The following VPS13C variants were observed in gnomAD, a reference collection of about 807,000 sequenced individuals.
VPS13C encodes intermembrane lipid transfer protein VPS13C.
In VPS13C, 358 loss-of-function variants were observed where a neutral mutation model predicts 456.8. That is an observed-to-expected ratio of 0.78 (90% CI 0.72 to 0.86). The LOEUF (loss-of-function observed/expected upper bound fraction) is 0.86, where lower values mean the gene tolerates loss of function less well. Among genes scored for constraint, VPS13C ranks in the 40% least tolerant of loss-of-function variants. The pLI, the probability that VPS13C is intolerant of heterozygous loss-of-function variation, is 0.00. For synonymous variants in VPS13C, 1,578 were observed against 1,486.7 expected (o/e 1.06, Z -1.41); for missense variants, 4,818 against 4,385.4 (o/e 1.10, Z -2.79).
chr15:62,013,876 G>T, intron 10 of VPS13C, 57 bp downstream of exon 10: 1 of 1,312,374 alleles, frequency 7.6e-7, no homozygotes, highest in South Asian at 1.3e-5. Flanking sequence ...GTTTCTTCAA[G>T]AAAATAAATT....
At chr15:61,922,823 C>T in intron 53 of VPS13C, 61 bp from the exon 54 acceptor site, 1 of 1,318,334 alleles carries the variant, frequency 7.6e-7, no homozygotes. Context: ...AGAATATATA[C>T]ATACATGATT....
intron 39 of VPS13C, among the ~76,000 whole-genome samples, chr15:61,951,522 T>C (rs1056573309): frequency 6.6e-6 from 1 of 152,170 alleles, no homozygotes; most frequent in Non-Finnish European, 1.5e-5. Flanking sequence ...TTTTCCTCTA[T>C]ATACTTTTGT....
intron 1 of VPS13C, among the ~76,000 whole-genome samples, chr15:62,056,547 C>T (rs945878931): frequency 1.3e-5 from 2 of 152,148 alleles, no homozygotes; most frequent in African/African-American, 4.8e-5. Flanking sequence ...GAAAAACACC[C>T]GCGACTTAGC....
Position 61,921,992 on chromosome 15 carries a change from C to G in VPS13C, c.7017G>C (p.Leu2339=). ...GTCTCTTCCCCTCCACTCTCTCAAT[C>G]AGTGGCTCCCAGACAGCATGGATCT... The part of the protein sequence containing the change: ...YNEIHAVWEP[L]IERVEGKRQW... The change falls in exon 55 of 85, where the codon CTG becomes CTC. Residue 2339 remains leucine (L), a synonymous_variant. Coordinates refer to ENST00000644861, the MANE Select transcript of VPS13C (RefSeq NM_020821.3). 1.9e-6 allele frequency: 3 copies of G among 1,613,696 alleles called. No homozygotes were observed. The highest frequency in any genetic ancestry group is 2.2e-5 in the South Asian group (2 of 91,074).
At chr15:62,047,488 T>C (rs1181055149) in intron 1 of VPS13C, among the ~76,000 whole-genome samples, 2 of 151,486 alleles carry the variant, frequency 1.3e-5, no homozygotes, top group African/African-American at 2.4e-5. Flanking sequence ...GTCTGACAAA[T>C]GCATACTTCC....
intron 66 of VPS13C, among the ~76,000 whole-genome samples, chr15:61,904,915 T>A (rs1325507785): frequency 1.3e-5 from 2 of 151,816 alleles, no homozygotes; most frequent in Admixed American, 1.3e-4. Context: ...CACTCATATG[T>A]GGGAGCTAAA....
At chr15:62,055,381 C>A (rs898344259) in intron 1 of VPS13C, among the ~76,000 whole-genome samples, 1 of 151,664 alleles carries the variant, frequency 6.6e-6, no homozygotes, top group Non-Finnish European at 1.5e-5. Context: ...GCGCCTGCCC[C>A]CATGCCCGGC....
At chr15:61,909,428 C>T (rs182351890) in intron 64 of VPS13C, among the ~76,000 whole-genome samples, 237 of 152,262 alleles carry the variant, frequency 1.6e-3, no homozygotes, top group Admixed American at 2.3e-3. Context: ...AGGCTGGTCT[C>T]GAACTCCTGA....
At chr15:61,940,233 C>G (rs1195042859) in intron 47 of VPS13C, among the ~76,000 whole-genome samples, 1 of 152,130 alleles carries the variant, frequency 6.6e-6, no homozygotes, top group Non-Finnish European at 1.5e-5. Flanking sequence ...CTGAATATCA[C>G]TTTGCATTGT....
In VPS13C at chr15:61,911,947, G is replaced by C. The variant is rs1295222849; in HGVS notation, c.8608C>G (p.Pro2870Ala). The C allele has an allele frequency of 3.7e-6, 6 of 1,612,004 alleles. No homozygotes were observed. Among genetic ancestry groups the C allele is most frequent in the Admixed American group, 1.7e-5 (1 of 59,928 alleles). The change falls in exon 63 of 85, where the codon CCC becomes GCC. Residue 2870 changes from proline (P) to alanine (A), a missense_variant. Around this residue, in one of 3 missense-constraint regions of VPS13C, gnomAD observed 4,552 missense variants for 4,130.6 expected, o/e 1.10. Coordinates refer to ENST00000644861, the MANE Select transcript of VPS13C (RefSeq NM_020821.3). ...GACTTGTTTGCAATGGTACAAAAGG[G>C]AGTCAGGGTAACTATTCGTGAAAGG... ...FNLSRIVTLT[P>A]FCTIANKSSL...
At chr15:61,970,609 A>T (rs1389573912) in intron 27 of VPS13C, among the ~76,000 whole-genome samples, 4 of 152,132 alleles carry the variant, frequency 2.6e-5, no homozygotes, top group African/African-American at 9.7e-5. Context: ...CAGCCTGGGC[A>T]ACATAGTAAA....
chr15:61,895,958 T>C (rs919772573), intron 66 of VPS13C, among the ~76,000 whole-genome samples: 31 of 152,158 alleles, frequency 2.0e-4, no homozygotes, highest in Non-Finnish European at 3.5e-4. Context: ...AAAAAGGATA[T>C]TGAATGTTCC....
intron 1 of VPS13C, among the ~76,000 whole-genome samples, chr15:62,056,470 C>T (rs528808860): frequency 3.0e-4 from 45 of 152,330 alleles, no homozygotes; most frequent in South Asian, 1.0e-3. Context: ...CTAGCGGTAA[C>T]GCCAGCATCT....
chr15:62,036,701 A>T (rs1269145543), intron 3 of VPS13C, among the ~76,000 whole-genome samples: 1 of 152,086 alleles, frequency 6.6e-6, no homozygotes, highest in Non-Finnish European at 1.5e-5. Context: ...TAGCATACAG[A>T]AAGGGACTGT....
Position 61,946,304 on chromosome 15 carries a change from C to T in VPS13C, c.4980+3G>A, listed in dbSNP as rs201323960. ...CCAATATAAAAATCTATTTTTTAAT[C>T]ACCTTTTTGTGAATGGACTGCAAAT... On this transcript the variant is annotated splice_donor_region_variant and intron_variant, in intron 44 of 84. Coordinates refer to ENST00000644861, the MANE Select transcript of VPS13C (RefSeq NM_020821.3). The T allele has an allele frequency of 5.7e-5, 89 of 1,566,334 alleles. 1 individual carries two copies. The East Asian group carries it at 2.0e-3, about 36-fold the overall frequency.
intron 1 of VPS13C, among the ~76,000 whole-genome samples, chr15:62,055,400 T>A (rs1255742522): frequency 2.7e-5 from 4 of 147,732 alleles, no homozygotes; most frequent in Non-Finnish European, 6.0e-5. Context: ...GCTAATTTTT[T>A]GTATTTTTTT....
At position 62,013,072 on chromosome 15, in the gene VPS13C, G is replaced by C. The variant is rs1031863164; in HGVS notation, c.792C>G (p.Ser264Arg). 1.2e-6 allele frequency: 2 copies of C among 1,610,890 alleles called. No individual in the cohort carries two copies. The highest frequency in any genetic ancestry group is 3.3e-5 in the Admixed American group (2 of 59,734). Reference protein sequence around the residue: ...SLSAYWNVNCSMSYQRSREQI... With the variant: ...SLSAYWNVNCRMSYQRSREQI... The stretch of plus-strand genomic sequence containing the variant: ...GTTCCCTTGATCTCTGGTAAGACAT[G>C]CTGCAATTTACATTCCAGTAGGCGC... The change falls in exon 11 of 85, where the codon AGC becomes AGG. Residue 264 changes from serine to arginine, a missense_variant. Physicochemically the swap from Ser to Arg is moderately radical, Grantham distance 110. Coordinates refer to ENST00000644861, the MANE Select transcript of VPS13C (RefSeq NM_020821.3).
In VPS13C at chr15:61,896,796, G is replaced by A. The variant is rs979541668; in HGVS notation, c.9106-6396C>T. Among the ~76,000 whole-genome samples the A allele has an allele frequency of 1.5e-4, 23 of 152,172 alleles. 1 individual carries two copies. Among genetic ancestry groups the A allele is most frequent in the Admixed American group, 1.0e-3 (16 of 15,288 alleles). On this transcript the variant is annotated intron_variant, in intron 66 of 84. Coordinates refer to ENST00000644861, the MANE Select transcript of VPS13C (RefSeq NM_020821.3). Reference sequence around the variant, plus strand: ...GCCTCTGTAGGCTCCACCTCTGGGGGCAGGGCACAGACAAACAAAAAGACA... The same window carrying A: ...GCCTCTGTAGGCTCCACCTCTGGGGACAGGGCACAGACAAACAAAAAGACA...
chr15:61,985,215 T>C (rs1462508482), intron 18 of VPS13C, among the ~76,000 whole-genome samples: 2 of 152,174 alleles, frequency 1.3e-5, no homozygotes, highest in African/African-American at 4.8e-5. Flanking sequence ...TCCACTCAAA[T>C]AGGATGCTTA....
Sources: gnomAD v4.1 joint callset for allele counts (sites outside exome capture counted in the v4.1 genomes callset) on GRCh38, gnomAD v4.1.1 for gene constraint, gnomAD v4.1.1 regional missense constraint, MANE v1.5 for transcripts, NCBI Gene and HGNC (gene_info 2026-07-23, HGNC 2026-07-21) for gene names.